The following RGS7 variants were observed in gnomAD, a reference collection of about 807,000 sequenced individuals.
RGS7 encodes the protein regulator of G protein signaling 7, also known as regulator of G-protein signaling 7.
RGS7 carries 27 observed loss-of-function variants against 81.1 expected under a neutral mutation model. The observed-to-expected ratio is 0.33, with a 90% confidence interval of 0.25 to 0.46. RGS7 has a LOEUF of 0.46. Among genes scored for constraint, RGS7 ranks in the 20% least tolerant of loss-of-function variants. The pLI is 1.00. For missense variants in RGS7, 396 were observed against 607.4 expected (o/e 0.65, Z 3.66); for synonymous variants, 208 against 207.7 (o/e 1.00, Z -0.01).
At chr1:241,031,683 T>C (rs1161048851) in intron 3 of RGS7, among the ~76,000 whole-genome samples, 3 of 152,220 alleles carry the variant, frequency 2.0e-5, no homozygotes, top group Non-Finnish European at 4.4e-5. Flanking sequence ...TGGTGTAAGA[T>C]GATATCTTAT....
chr1:241,337,836 G>A (rs773276343), intron 2 of RGS7, among the ~76,000 whole-genome samples: 1 of 152,122 alleles, frequency 6.6e-6, no homozygotes, highest in Non-Finnish European at 1.5e-5. Flanking sequence ...CAATTTGAAA[G>A]GTAAACTCTT....
chr1:240,872,909 T>C (rs563316491), intron 6 of RGS7, among the ~76,000 whole-genome samples: 2 of 152,046 alleles, frequency 1.3e-5, no homozygotes, highest in African/African-American at 4.8e-5. Context: ...AAACCTCGTC[T>C]CTACTAAAAA....
At chr1:241,087,956 CT>C (rs2063553335) in intron 3 of RGS7, among the ~76,000 whole-genome samples, 1 of 83,858 alleles carries the variant, frequency 1.2e-5, no homozygotes, top group South Asian at 3.7e-4. Flanking sequence ...CTCTCTCTCT[CT>C]CTCTCTCTCT....
chr1:241,281,287 C>T (rs1176561253), intron 2 of RGS7, among the ~76,000 whole-genome samples: 1 of 152,202 alleles, frequency 6.6e-6, no homozygotes, highest in East Asian at 1.9e-4. Flanking sequence ...ATCAACTGTA[C>T]TCCATACTGT....
chr1:240,807,077 G>C (rs1010253007), intron 14 of RGS7, among the ~76,000 whole-genome samples: 1 of 152,158 alleles, frequency 6.6e-6, no homozygotes, highest in African/African-American at 2.4e-5. Context: ...AATATATACT[G>C]ACTTACTTCT....
At chr1:241,019,159 A>G (rs980537924) in intron 3 of RGS7, among the ~76,000 whole-genome samples, 2 of 152,048 alleles carry the variant, frequency 1.3e-5, no homozygotes, top group Non-Finnish European at 2.9e-5. Flanking sequence ...GTTTCCAGAA[A>G]TTCATCACAT....
chr1:241,295,003 CA>C (rs1260527026), intron 2 of RGS7, among the ~76,000 whole-genome samples: 5 of 151,914 alleles, frequency 3.3e-5, no homozygotes, highest in Non-Finnish European at 5.9e-5. Flanking sequence ...TATAAATCAG[CA>C]AAAATAAACG....
At chr1:241,260,960 A>G (rs1302627465) in intron 2 of RGS7, among the ~76,000 whole-genome samples, 1 of 151,400 alleles carries the variant, frequency 6.6e-6, no homozygotes, top group Non-Finnish European at 1.5e-5. Context: ...ATTGGGAGAT[A>G]TACCTAATGC....
chr1:240,876,618 G>A (rs1665460207), intron 6 of RGS7, among the ~76,000 whole-genome samples: 1 of 152,138 alleles, frequency 6.6e-6, no homozygotes, highest in Non-Finnish European at 1.5e-5. Context: ...ATAAACAGGG[G>A]AAAGTCTCCT....
intron 2 of RGS7, among the ~76,000 whole-genome samples, chr1:241,122,669 GAA>G (rs200013731): frequency 1.0e-4 from 8 of 79,556 alleles, no homozygotes; most frequent in East Asian, 8.6e-4. Flanking sequence ...ATCACAAAAA[GAA>G]AAAAAAAAAA....
chr1:240,822,442 A>G (rs751510875), intron 10 of RGS7, among the ~76,000 whole-genome samples: 1 of 152,186 alleles, frequency 6.6e-6, no homozygotes, highest in Non-Finnish European at 1.5e-5. Context: ...AAAATGACTA[A>G]AACAAAATTT....
At chr1:241,341,802 TTA>T (rs779735806) in intron 2 of RGS7, among the ~76,000 whole-genome samples, 1 of 151,956 alleles carries the variant, frequency 6.6e-6, no homozygotes, top group Non-Finnish European at 1.5e-5. Context: ...CTTGACCAAT[TTA>T]TACAGCTGGT....
intron 3 of RGS7, among the ~76,000 whole-genome samples, chr1:241,049,924 G>A (rs2061158480): frequency 6.6e-6 from 1 of 152,130 alleles, no homozygotes; most frequent in African/African-American, 2.4e-5. Context: ...AGAGATGCTT[G>A]ACAAGACAAT....
intron 4 of RGS7, among the ~76,000 whole-genome samples, chr1:240,969,888 A>G (rs1029807979): frequency 1.3e-4 from 20 of 152,232 alleles, no homozygotes; most frequent in African/African-American, 4.8e-4. Flanking sequence ...ATGCTTTTAA[A>G]TCAAATGTAT....
At chr1:241,343,689 G>A (rs552899476) in intron 2 of RGS7, among the ~76,000 whole-genome samples, 23 of 152,198 alleles carry the variant, frequency 1.5e-4, no homozygotes, top group South Asian at 6.2e-4. Context: ...TGATTGCAAT[G>A]GGACTGGTAG....
chr1:240,849,778 T>C (rs1015629510), intron 9 of RGS7, among the ~76,000 whole-genome samples: 2 of 152,212 alleles, frequency 1.3e-5, no homozygotes, highest in Non-Finnish European at 2.9e-5. Flanking sequence ...CAGACGCAGA[T>C]ACTGGAGCCA....
rs1308126172 is a variant in RGS7 at position 240,907,647 on chromosome 1, C to G, written c.385+23070G>C. Among the ~76,000 whole-genome samples, 3 of 152,246 alleles carry G rather than the reference C, an allele frequency of 2.0e-5. No homozygotes were observed. In the East Asian group the frequency reaches 5.8e-4, roughly 29 times the overall value. On this transcript the variant is annotated intron_variant, in intron 6 of 18. Transcript: ENST00000440928. ...GCAGCAGAGGCAGAATGTTTACCAC[C>G]TAGGGTGTTAGTGAAAGGCCCTGTC...
chr1:241,331,806 C>G (rs905689815), intron 2 of RGS7, among the ~76,000 whole-genome samples: 3 of 151,986 alleles, frequency 2.0e-5, no homozygotes, highest in African/African-American at 7.3e-5. Flanking sequence ...GTTAGGGAGG[C>G]GTAAGGTGAT....
intron 2 of RGS7, among the ~76,000 whole-genome samples, chr1:241,269,481 G>A (rs1573440095): frequency 1.3e-5 from 2 of 152,222 alleles, no homozygotes; most frequent in African/African-American, 2.4e-5. Context: ...CAGGTGGTAA[G>A]AGCAGTAATA....
Sources: gnomAD v4.1 joint callset for allele counts (sites outside exome capture counted in the v4.1 genomes callset) on GRCh38, gnomAD v4.1.1 for gene constraint, MANE v1.5 for transcripts, NCBI Gene and HGNC (gene_info 2026-07-23, HGNC 2026-07-21) for gene names.